The following PIK3R4 variants were observed in gnomAD, a reference collection of about 807,000 sequenced individuals.
PIK3R4 encodes the protein phosphoinositide-3-kinase regulatory subunit 4, also known as phosphoinositide 3-kinase regulatory subunit 4.
A neutral mutation model predicts 136.5 loss-of-function variants in PIK3R4; 46 were observed. The ratio of observed to expected loss-of-function variants is 0.34; its 90% confidence interval spans 0.27 to 0.43. PIK3R4 has a LOEUF of 0.43. Among genes scored for constraint, PIK3R4 ranks in the 20% least tolerant of loss-of-function variants. The pLI, the probability that PIK3R4 is intolerant of heterozygous loss-of-function variation, is 1.00. For synonymous variants in PIK3R4, 557 were observed against 566.7 expected (o/e 0.98, Z 0.24); for missense variants, 1,331 against 1,649.5 (o/e 0.81, Z 3.35).
chr3:130,736,028 T>C, intron 2 of PIK3R4, 26 bp from the exon 3 acceptor site: 1 of 1,569,850 alleles, frequency 6.4e-7, no homozygotes, highest in Non-Finnish European at 8.6e-7. Flanking sequence ...TATAATTCTG[T>C]TAGAAAAGAG....
chr3:130,727,148 T>C (rs1196363336), intron 6 of PIK3R4, among the ~76,000 whole-genome samples: 2 of 152,344 alleles, frequency 1.3e-5, no homozygotes, highest in East Asian at 1.9e-4. Flanking sequence ...CATAGGTTTC[T>C]TGCATTTTAT....
intron 13 of PIK3R4, among the ~76,000 whole-genome samples, chr3:130,694,380 AATG>A (rs1295918755): frequency 2.0e-5 from 3 of 151,452 alleles, no homozygotes; most frequent in Non-Finnish European, 2.9e-5. Flanking sequence ...CTGCCATCTT[AATG>A]ATATTAAGTA....
intron 1 of PIK3R4, among the ~76,000 whole-genome samples, chr3:130,745,649 T>C (rs2107624965): frequency 6.6e-6 from 1 of 152,336 alleles, no homozygotes; most frequent in Non-Finnish European, 1.5e-5. Context: ...CTTGGGGCTA[T>C]GAGAATTACA....
chr3:130,683,000 T>C (rs184606484), intron 16 of PIK3R4, among the ~76,000 whole-genome samples: 1 of 152,220 alleles, frequency 6.6e-6, no homozygotes, highest in East Asian at 1.9e-4. Context: ...TGGTTTGGAC[T>C]AGGGAGATAG....
At position 130,746,597 on chromosome 3, in the gene PIK3R4, TG is replaced by T. The variant is rs1434277932; in HGVS notation, c.-327del. The stretch of plus-strand genomic sequence containing the variant: ...GAGTCTCCACAAGTACCCCGGGATT[TG>T]ACCCCTCCAGCCCCCTAACCTGCCC... On this transcript the variant is annotated 5_prime_UTR_variant, in exon 1 of 20. Coordinates refer to ENST00000356763, the MANE Select transcript of PIK3R4 (RefSeq NM_014602.3). The T allele has an allele frequency of 3.3e-5, 5 of 152,246 alleles. No homozygotes were observed. The highest frequency in any genetic ancestry group is 7.2e-5 in the African/African-American group (3 of 41,428). 9.4% of individuals were successfully genotyped at this position (152,246 alleles called of 1,614,324 possible).
intron 14 of PIK3R4, 68 bp from the exon 15 acceptor site, chr3:130,686,490 T>A (rs2066491757): frequency 2.2e-6 from 2 of 920,306 alleles, no homozygotes; most frequent in Non-Finnish European, 3.6e-6. Flanking sequence ...CCCTTTAAGA[T>A]GACTTTATAT....
chr3:130,716,184 C>A (rs192285660), intron 9 of PIK3R4, among the ~76,000 whole-genome samples: 22 of 152,284 alleles, frequency 1.4e-4, no homozygotes, highest in African/African-American at 4.6e-4. Context: ...TCCCATGATT[C>A]CTTATTTAGC....
chr3:130,712,281 T>C (rs1163342440), intron 9 of PIK3R4, among the ~76,000 whole-genome samples: 1 of 151,784 alleles, frequency 6.6e-6, no homozygotes, highest in Non-Finnish European at 1.5e-5. Context: ...ACTGAAGAAC[T>C]CTAAGCTAAA....
At chr3:130,681,817 AC>A (rs1180993649) in intron 16 of PIK3R4, among the ~76,000 whole-genome samples, 1 of 152,200 alleles carries the variant, frequency 6.6e-6, no homozygotes, top group African/African-American at 2.4e-5. Context: ...GAGATGGCAA[AC>A]AAAGCAGAAA....
chr3:130,713,729 A>G (rs1428786796), intron 9 of PIK3R4, among the ~76,000 whole-genome samples: 1 of 151,712 alleles, frequency 6.6e-6, no homozygotes, highest in Admixed American at 6.5e-5. Context: ...TTGGAGTGCA[A>G]TGGCGCGATC....
chr3:130,698,153 A>T (rs2066556584), intron 13 of PIK3R4, among the ~76,000 whole-genome samples: 1 of 152,210 alleles, frequency 6.6e-6, no homozygotes, highest in Admixed American at 6.5e-5. Context: ...TTGTCTTCCA[A>T]CAGTTTATGA....
chr3:130,686,482 C>A, intron 14 of PIK3R4, 60 bp from the exon 15 acceptor site: 1 of 994,356 alleles, frequency 1.0e-6, no homozygotes, highest in South Asian at 1.3e-5. Context: ...ACTAGTCTCC[C>A]TTTAAGATGA....
chr3:130,694,736 T>A (rs2066537085), intron 13 of PIK3R4, among the ~76,000 whole-genome samples: 2 of 152,094 alleles, frequency 1.3e-5, no homozygotes, highest in Non-Finnish European at 1.5e-5. Context: ...TAACAGAAAG[T>A]TTTACTTTCT....
intron 12 of PIK3R4, 131 bp downstream of exon 12, chr3:130,705,430 C>T: frequency 1.5e-6 from 1 of 649,824 alleles, no homozygotes; most frequent in Non-Finnish European, 2.7e-6. Flanking sequence ...ACTGCTTCTT[C>T]TTCTGGGTTT....
Position 130,745,203 on chromosome 3 carries a change from C to T in PIK3R4, c.16G>A (p.Ala6Thr). 1 of 1,599,928 alleles carries T rather than the reference C, an allele frequency of 6.3e-7. No homozygotes were observed. Among genetic ancestry groups the T allele is most frequent in the Non-Finnish European group, 8.5e-7 (1 of 1,177,098 alleles). Reference sequence around the variant, plus strand: ...AGGATCTGGGAGGGAGCAATGCCAGCAAGCTGATTTCCCATAATGGCAAGC... The same window carrying T: ...AGGATCTGGGAGGGAGCAATGCCAGTAAGCTGATTTCCCATAATGGCAAGC... Reference protein sequence around the residue: MGNQLAGIAPSQILSV... With the variant: MGNQLTGIAPSQILSV... Residue 6 changes from alanine to threonine, a missense_variant, in exon 2 of 20, where the codon GCT becomes ACT. By Grantham distance (58) the Ala-to-Thr change is moderately conservative. Transcript: ENST00000356763.
At chr3:130,737,195 T>C (rs2066790766) in intron 2 of PIK3R4, among the ~76,000 whole-genome samples, 1 of 152,206 alleles carries the variant, frequency 6.6e-6, no homozygotes. Context: ...CTTTCTTGAT[T>C]GCCGGTTTAA....
chr3:130,694,927 A>G (rs2066537750), intron 13 of PIK3R4, among the ~76,000 whole-genome samples: 1 of 152,102 alleles, frequency 6.6e-6, no homozygotes, highest in African/African-American at 2.4e-5. Context: ...TTTTTGTTGT[A>G]GATGGCCTTT....
chr3:130,716,623 T>A (rs939558672), intron 8 of PIK3R4, 24 bp from the exon 9 acceptor site: 2 of 1,478,664 alleles, frequency 1.4e-6, no homozygotes, highest in Admixed American at 1.9e-5. Flanking sequence ...ATAAAAAGGA[T>A]CAGCCAAAAA....
At chr3:130,681,758 T>C (rs187322955) in intron 16 of PIK3R4, among the ~76,000 whole-genome samples, 167 bp from the exon 17 acceptor site, 52 of 152,232 alleles carry the variant, frequency 3.4e-4, no homozygotes, top group Non-Finnish European at 5.0e-4. Flanking sequence ...CCAGTAAATA[T>C]AGTAAATATT....
Sources: gnomAD v4.1 joint callset for allele counts (sites outside exome capture counted in the v4.1 genomes callset) on GRCh38, gnomAD v4.1.1 for gene constraint, MANE v1.5 for transcripts, NCBI Gene and HGNC (gene_info 2026-07-23, HGNC 2026-07-21) for gene names.